SLC5A11: variants seen among roughly 807,000 people sequenced by gnomAD.
The protein encoded by SLC5A11 is sodium/myo-inositol cotransporter 2.
SLC5A11 carries 48 observed loss-of-function variants against 69.8 expected under a neutral mutation model. The ratio of observed to expected loss-of-function variants is 0.69; its 90% CI spans 0.55 to 0.87. The LOEUF (loss-of-function observed/expected upper bound fraction) is 0.87. SLC5A11 is among the 40% of genes least tolerant of loss of function. The pLI, the probability that SLC5A11 is intolerant of heterozygous loss-of-function variation, is 0.00. For missense variants in SLC5A11, 784 were observed against 866.1 expected (o/e 0.91, Z 1.19); for synonymous variants, 319 against 342.4 (o/e 0.93, Z 0.75).
intron 8 of SLC5A11, among the ~76,000 whole-genome samples, chr16:24,888,671 A>G (rs1438280981): frequency 3.4e-5 from 5 of 146,442 alleles, no homozygotes; most frequent in African/African-American, 1.0e-4. Flanking sequence ...TTTAGTAGAG[A>G]TGGGGTTTCA....
At chr16:24,908,044 C>T in exon 13 of SLC5A11, 1 of 1,613,594 alleles carries the variant, frequency 6.2e-7, no homozygotes, top group East Asian at 2.2e-5. Context: ...AGCTCTTCAT[C>T]TATATCCAGT....
intron 2 of SLC5A11, among the ~76,000 whole-genome samples, chr16:24,861,516 AGGAAG>A (rs745728068): frequency 1.3e-4 from 19 of 150,866 alleles, no homozygotes; most frequent in Non-Finnish European, 2.4e-4. Context: ...AAAGAAAGGA[AGGAAG>A]GGAAGGGAAG....
intron 1 of SLC5A11, among the ~76,000 whole-genome samples, chr16:24,848,400 G>A (rs1040928465): frequency 6.6e-6 from 1 of 152,112 alleles, no homozygotes; most frequent in African/African-American, 2.4e-5. Flanking sequence ...CTTGAGGCCT[G>A]GAGTTTGAGA....
At chr16:24,874,806 T>C (rs954955830) in intron 5 of SLC5A11, among the ~76,000 whole-genome samples, 2 of 152,118 alleles carry the variant, frequency 1.3e-5, no homozygotes, top group African/African-American at 4.8e-5. Flanking sequence ...GGTGTTGAAC[T>C]CTTGACCTCA....
At chr16:24,858,737 C>A (rs1288387458) in exon 2 of SLC5A11, 1 of 1,611,890 alleles carries the variant, frequency 6.2e-7, no homozygotes. Context: ...CATCGCGGTG[C>A]TAGTTCTGTA....
At chr16:24,863,304 G>A (rs1008506697) in intron 3 of SLC5A11, among the ~76,000 whole-genome samples, 1 of 151,864 alleles carries the variant, frequency 6.6e-6, no homozygotes, top group Non-Finnish European at 1.5e-5. Context: ...CCACATTTGG[G>A]GGGCTTTGGC....
chr16:24,875,056 C>T (rs916192479), intron 5 of SLC5A11, among the ~76,000 whole-genome samples: 8 of 152,118 alleles, frequency 5.3e-5, no homozygotes, highest in African/African-American at 1.9e-4. Flanking sequence ...CCAGGCTGGT[C>T]TTGAACTCCT....
intron 3 of SLC5A11, among the ~76,000 whole-genome samples, chr16:24,867,015 A>T (rs1430457706): frequency 1.3e-5 from 2 of 152,194 alleles, no homozygotes; most frequent in Non-Finnish European, 2.9e-5. Flanking sequence ...CATGAACAAC[A>T]CTATAAACCA....
intron 4 of SLC5A11, among the ~76,000 whole-genome samples, chr16:24,870,480 A>AC (rs952984268): frequency 2.5e-4 from 35 of 141,954 alleles, no homozygotes; most frequent in Admixed American, 5.8e-4. Flanking sequence ...CAAAAAACAC[A>AC]AAAAAAAAAC....
At chr16:24,906,340 C>T (rs2050057472) in intron 10 of SLC5A11, among the ~76,000 whole-genome samples, 1 of 136,384 alleles carries the variant, frequency 7.3e-6, no homozygotes, top group African/African-American at 2.8e-5. Context: ...GAGGCTCCGT[C>T]TCAAAAAAAA....
chr16:24,856,597 C>CAAAAAAAAAAAAA (rs35867622), intron 1 of SLC5A11, among the ~76,000 whole-genome samples: 5 of 88,832 alleles, frequency 5.6e-5, no homozygotes, highest in East Asian at 9.3e-4. Context: ...ACTAAAAATA[C>CAAAAAAAAAAAAA]AAAAAAAAAA....
rs181486086 is a variant in SLC5A11, at chr16:24,897,212, C to G, written c.871-762C>G. 3.2e-3 allele frequency among the ~76,000 whole-genome samples: 493 copies of G among 152,076 alleles called. 2 individuals carry two copies. Among genetic ancestry groups the G allele is most frequent in the African/African-American group, 0.011 (464 of 41,484 alleles). ...CAAGCAATCCTCCTGCTTTGGCCTCCCAAAGTGCTGGGATTACAAGCGTGA... is the reference window on the plus strand; with the variant it reads ...CAAGCAATCCTCCTGCTTTGGCCTCGCAAAGTGCTGGGATTACAAGCGTGA... On this transcript the variant is annotated intron_variant, in intron 9 of 15. Coordinates refer to ENST00000347898, the Ensembl canonical transcript of SLC5A11.
At chr16:24,899,105 A>G (rs952767605) in intron 10 of SLC5A11, among the ~76,000 whole-genome samples, 2 of 152,216 alleles carry the variant, frequency 1.3e-5, no homozygotes, top group African/African-American at 4.8e-5. Flanking sequence ...GGCATGAGCC[A>G]CCATGCCTGG....
At chr16:24,910,695 A>C (rs1399343680) in intron 15 of SLC5A11, among the ~76,000 whole-genome samples, 1 of 152,118 alleles carries the variant, frequency 6.6e-6, no homozygotes, top group Non-Finnish European at 1.5e-5. Context: ...ACAGCAAACA[A>C]ACACTTGTTG....
At chr16:24,898,798 G>A (rs551367557) in intron 10 of SLC5A11, among the ~76,000 whole-genome samples, 41 of 152,148 alleles carry the variant, frequency 2.7e-4, no homozygotes, top group Non-Finnish European at 4.9e-4. Context: ...GATTACAGGC[G>A]TAAGCCACCA....
Position 24,894,144 on chromosome 16 carries a change from C to G in SLC5A11, c.870+3070C>G, listed in dbSNP as rs184450011. 2.8e-3 allele frequency among the ~76,000 whole-genome samples: 421 copies of G among 152,298 alleles called. 4 individuals carry two copies. The highest frequency in any genetic ancestry group is 9.5e-3 in the African/African-American group (396 of 41,566). On this transcript the variant is annotated intron_variant, in intron 9 of 15. Transcript: ENST00000347898. ...GGAACTCATCCAAACTCACAAAGAGCTGGTGGGGGGATTCACACCTAAGTC... is the reference window on the plus strand; with the variant it reads ...GGAACTCATCCAAACTCACAAAGAGGTGGTGGGGGGATTCACACCTAAGTC...
At position 24,910,891 on chromosome 16, in the gene SLC5A11, G is replaced by A. The variant is rs183874489; in HGVS notation, c.1822+414G>A. On this transcript the variant is annotated intron_variant, in intron 15 of 15. Coordinates refer to ENST00000347898, the Ensembl canonical transcript of SLC5A11. Reference sequence around the variant, plus strand: ...ATTTAAAAATTGAGAGATTTTGGCCGGTCAGCATGGCTCAGGCCTGTAATC... The same window carrying A: ...ATTTAAAAATTGAGAGATTTTGGCCAGTCAGCATGGCTCAGGCCTGTAATC... Among the ~76,000 whole-genome samples the A allele has an allele frequency of 3.3e-4, 50 of 152,214 alleles. No individual in the cohort carries two copies. The East Asian group carries it at 6.8e-3, about 21-fold the overall frequency.
chr16:24,908,199 A>C, intron 13 of SLC5A11, 68 bp downstream of exon 14: 1 of 1,496,656 alleles, frequency 6.7e-7, no homozygotes, highest in African/African-American at 1.4e-5. Flanking sequence ...ATAGGATGGG[A>C]GGGGAGGGTG....
exon 8 of SLC5A11, chr16:24,884,082 C>T: frequency 6.2e-7 from 1 of 1,614,070 alleles, no homozygotes; most frequent in Non-Finnish European, 8.5e-7. Context: ...ACACGGATGC[C>T]CTGCAGACGC....
Sources: allele counts gnomAD v4.1 joint callset (sites outside exome capture counted in the v4.1 genomes callset), GRCh38; gene constraint gnomAD v4.1.1; transcripts MANE v1.5; gene names NCBI Gene and HGNC (gene_info 2026-07-23, HGNC 2026-07-21).